MYO7B: variants seen among roughly 807,000 people sequenced by gnomAD.
The protein encoded by MYO7B is myosin VIIB, also known as unconventional myosin-VIIb.
Under a neutral mutation model 259.7 loss-of-function variants are expected in MYO7B, and 212 were observed. That is an observed-to-expected ratio of 0.82 (90% CI 0.73 to 0.91). The LOEUF is 0.91. MYO7B is among the 40% of genes least tolerant of loss of function. The pLI is 0.00. For missense variants in MYO7B, 2,732 were observed against 2,813.5 expected, an observed-to-expected ratio of 0.97 and a Z score of 0.66; for synonymous variants, 1,197 against 1,166.4, an observed-to-expected ratio of 1.03 and a Z score of -0.54.
At chr2:127,552,794 AC>A (rs1693498352) in intron 1 of MYO7B, among the ~76,000 whole-genome samples, 1 of 152,124 alleles carries the variant, frequency 6.6e-6, no homozygotes, top group South Asian at 2.1e-4. Flanking sequence ...GTCTTTTCCC[AC>A]CTGCCACCCC....
chr2:127,617,888 C>T (rs1314492366), intron 26 of MYO7B, among the ~76,000 whole-genome samples: 2 of 150,014 alleles, frequency 1.3e-5, no homozygotes, highest in East Asian at 1.9e-4. Flanking sequence ...AGACCTTCCT[C>T]GCTCAAGTCC....
intron 31 of MYO7B, 167 bp from the exon 32 acceptor site, chr2:127,626,807 AC>A (rs1681150462): frequency 1.6e-6 from 1 of 625,982 alleles, no homozygotes; most frequent in Admixed American, 2.9e-5. Context: ...ATAGGGCTGC[AC>A]CAGTCCCTGG....
At chr2:127,622,126 G>A (rs752005532) in intron 28 of MYO7B, 25 bp downstream of exon 28, 23 of 1,541,998 alleles carry the variant, frequency 1.5e-5, no homozygotes, top group Non-Finnish European at 1.9e-5. Context: ...GGGTGAGAGC[G>A]GGCAGGGTGG....
Position 127,576,601 on chromosome 2 carries a change from G to A in MYO7B, c.742G>A (p.Glu248Lys), listed in dbSNP as rs757331346. The change falls in exon 8 of 48, where the codon GAG (glutamate) becomes AAG (lysine). Residue 248 changes from glutamate (E) to lysine (K), a missense_variant. Glu to Lys is a moderately conservative substitution (Grantham distance 56, BLOSUM62 1). Transcript: ENST00000409816. The surrounding 1 kb of genome is among the most constrained non-coding windows in gnomAD (Gnocchi z 4.9). ...TGCCCTCCCTCCCTCCCAGGCTCCC[G>A]AGGAGCGGAACTACCATATCTTCTA... is the stretch of plus-strand genomic sequence containing the variant. ...EKSRVCRQAP[E>K]ERNYHIFYCM... The A allele has an allele frequency of 5.4e-5, 74 of 1,379,800 alleles. No homozygotes were observed. Among genetic ancestry groups the A allele is most frequent in the Non-Finnish European group, 7.0e-5 (69 of 986,098 alleles). The allele number at this position is 1,379,800 out of a possible 1,614,324, so 85.5% of individuals were successfully genotyped here.
chr2:127,624,416 G>C, intron 30 of MYO7B, 96 bp downstream of exon 30: 2 of 1,137,156 alleles, frequency 1.8e-6, no homozygotes, highest in Non-Finnish European at 2.5e-6. Flanking sequence ...CAGGTAGAAG[G>C]TGGGGGGGCA....
chr2:127,622,533 T>C (rs1196628732), intron 28 of MYO7B, among the ~76,000 whole-genome samples: 1 of 152,158 alleles, frequency 6.6e-6, no homozygotes, highest in African/African-American at 2.4e-5. Context: ...CGCTGTTTTC[T>C]CAGGAAGGGT....
At chr2:127,555,539 T>C (rs2104832677) in intron 1 of MYO7B, among the ~76,000 whole-genome samples, 1 of 152,346 alleles carries the variant, frequency 6.6e-6, no homozygotes, top group South Asian at 2.1e-4. Context: ...TTTAAGGCTA[T>C]AAACTTTCCT....
At position 127,635,879 on chromosome 2, in the gene MYO7B, G is replaced by A. The variant is rs542989830; in HGVS notation, c.5978G>A (p.Arg1993His). The change falls in exon 44 of 48, where the codon CGC (arginine) becomes CAC (histidine). Residue 1993 changes from arginine (R) to histidine (H), a missense_variant. This residue lies in a region of MYO7B where 821 missense variants were observed against 769.3 expected (regional missense o/e 1.07). Coordinates refer to ENST00000409816, the MANE Select transcript of MYO7B (RefSeq NM_001393586.1). ...LRELVPENLT[R>H]LMSSEEWKKS... is the part of the protein sequence containing the mutation. ...GAACTGGTGCCTGAGAACCTCACAC[G>A]CCTGATGTCCTCGGAGGAGTGGAAA... 21 of 1,580,448 alleles carry A rather than the reference G, an allele frequency of 1.3e-5. No homozygotes were observed. The highest frequency in any genetic ancestry group is 3.3e-4 in the Middle Eastern group (2 of 6,030).
In MYO7B at chr2:127,609,502, G is replaced by A. The variant is rs747440542; in HGVS notation, c.2815-4G>A. The A allele has an allele frequency of 1.3e-5, 21 of 1,608,772 alleles. No homozygotes were observed. Among genetic ancestry groups the A allele is most frequent in the East Asian group, 8.9e-5 (4 of 44,700 alleles). ...TGACCCGTGTTCTCCCTCAATGGCC[G>A]TAGGATCTGGAATCGAAGACCCAGA... On this transcript the variant is annotated splice_region_variant and splice_polypyrimidine_tract_variant and intron_variant, in intron 22 of 47. Transcript: ENST00000409816. The surrounding 1 kb of genome is among the most constrained non-coding windows in gnomAD (Gnocchi z 6.9).
chr2:127,603,477 A>G (rs1316077160), intron 19 of MYO7B, among the ~76,000 whole-genome samples: 1 of 152,200 alleles, frequency 6.6e-6, no homozygotes, highest in African/African-American at 2.4e-5. Flanking sequence ...GGCCGGGTGA[A>G]TTGTCAATGA....
chr2:127,562,029 G>C (rs1040707067), intron 2 of MYO7B, among the ~76,000 whole-genome samples: 2 of 112,448 alleles, frequency 1.8e-5, no homozygotes, highest in African/African-American at 3.0e-5. Flanking sequence ...GAGAGAAAGG[G>C]AGAGAGAGAG....
chr2:127,559,694 A>G lies in MYO7B; in HGVS notation c.-23-6A>G, dbSNP rs762755511. On this transcript the variant is annotated splice_polypyrimidine_tract_variant and splice_region_variant and intron_variant, in intron 1 of 47. Transcript: ENST00000409816. This position sits in a 1 kb window ranked among gnomAD's most constrained non-coding sequence, Gnocchi z 4.1. ...AGCTGACGTTCTGCTTTCTCTCTCC[A>G]TACAGGCTTGTGGAACTGCTGACTC... The G allele has an allele frequency of 2.5e-6, 4 of 1,613,794 alleles. No homozygotes were observed. The highest frequency in any genetic ancestry group is 2.7e-5 in the African/African-American group (2 of 74,912).
At chr2:127,594,144 C>T (rs1044050743) in intron 18 of MYO7B, among the ~76,000 whole-genome samples, 1 of 152,208 alleles carries the variant, frequency 6.6e-6, no homozygotes, top group African/African-American at 2.4e-5. Flanking sequence ...GGGGCTTGTG[C>T]GAGCCTCACC....
chr2:127,582,574 G>A (rs1263367920), intron 12 of MYO7B, 128 bp downstream of exon 12: 29 of 1,123,622 alleles, frequency 2.6e-5, no homozygotes, highest in South Asian at 3.1e-5. Flanking sequence ...CACCAGATCC[G>A]TGTGCTCTGC....
intron 7 of MYO7B, among the ~76,000 whole-genome samples, chr2:127,574,534 T>C (rs1310820994): frequency 2.6e-5 from 4 of 152,214 alleles, no homozygotes; most frequent in African/African-American, 9.6e-5. Flanking sequence ...AGTGAAACTC[T>C]GTCTCAAAAA....
intron 26 of MYO7B, chr2:127,620,055 C>A (rs576704178): frequency 3.5e-5 from 9 of 260,174 alleles, no homozygotes; most frequent in African/African-American, 1.8e-4. Context: ...GCAAAGGGCG[C>A]GGCTGCTGAG....
chr2:127,582,063 G>A lies in MYO7B; in HGVS notation c.1200+53G>A, dbSNP rs201450322. On this transcript the variant is annotated intron_variant, in intron 11 of 47. Transcript: ENST00000409816. ...ATGGCCATCTGTTGACCACGGCTCT[G>A]CTTCTTGCTGTGCCGGTGGAGGGCA... 389 of 1,609,716 alleles carry A rather than the reference G, an allele frequency of 2.4e-4. 4 individuals carry two copies. In the Middle Eastern group the frequency reaches 3.6e-3, roughly 15 times the overall value.
intron 30 of MYO7B, among the ~76,000 whole-genome samples, chr2:127,624,732 G>C (rs374900625): frequency 6.6e-6 from 1 of 152,338 alleles, no homozygotes; most frequent in Middle Eastern, 3.4e-3. Context: ...TGGGGGGCTC[G>C]GGAGGGGCTC....
chr2:127,562,897 C>T (rs2104858245), intron 2 of MYO7B, among the ~76,000 whole-genome samples: 1 of 152,304 alleles, frequency 6.6e-6, no homozygotes, highest in South Asian at 2.1e-4. Flanking sequence ...GTGTGAACCA[C>T]CACATCCAGC....
Sources: gnomAD v4.1 joint callset for allele counts (sites outside exome capture counted in the v4.1 genomes callset) on GRCh38, gnomAD v4.1.1 for gene constraint, gnomAD v4.1.1 regional missense constraint, Gnocchi (gnomAD v3.1) non-coding constraint, MANE v1.5 for transcripts, NCBI Gene and HGNC (gene_info 2026-07-23, HGNC 2026-07-21) for gene names.